Variants in SUGCT observed in about 807,000 individuals in gnomAD.
SUGCT encodes succinyl-CoA:glutarate CoA-transferase.
SUGCT carries 41 observed loss-of-function variants against 55.0 expected under a neutral mutation model. The ratio of observed to expected loss-of-function variants is 0.74; its 90% confidence interval spans 0.58 to 0.97. The LOEUF (loss-of-function observed/expected upper bound fraction) is 0.97. Among genes scored for constraint, SUGCT ranks in the 50% least tolerant of loss-of-function variants. SUGCT has a pLI of 0.00. For missense variants in SUGCT, 568 were observed against 547.8 expected (o/e 1.04, Z -0.37); for synonymous variants, 187 against 200.4 (o/e 0.93, Z 0.56).
In SUGCT at chr7:40,349,551, A is replaced by T. The variant is rs148897664; in HGVS notation, c.816+32696A>T. 2.4e-3 allele frequency among the ~76,000 whole-genome samples: 364 copies of T among 152,310 alleles called. 5 individuals are homozygous for T. Among genetic ancestry groups the T allele is most frequent in the African/African-American group, 8.3e-3 (345 of 41,566 alleles). On this transcript the variant is annotated intron_variant, in intron 9 of 13. Transcript: ENST00000335693. ...GTTTCCTACTTGGTGTTGTCAGTGC[A>T]CAAATTCTGGGGCCCTCTCTAAGAT...
chr7:40,570,850 C>CTT (rs776733346), intron 12 of SUGCT, among the ~76,000 whole-genome samples: 702 of 52,312 alleles, frequency 0.013, 135 homozygotes, highest in Middle Eastern at 0.026. Context: ...GCTTTAGGCT[C>CTT]TTTTTTTTTT....
At chr7:40,173,523 A>G (rs1784778144) in intron 1 of SUGCT, among the ~76,000 whole-genome samples, 1 of 152,192 alleles carries the variant, frequency 6.6e-6, no homozygotes, top group African/African-American at 2.4e-5. Context: ...TCCCGGCTCA[A>G]ATGCCTGGGG....
intron 11 of SUGCT, among the ~76,000 whole-genome samples, chr7:40,493,150 G>A (rs988496148): frequency 1.4e-4 from 21 of 152,162 alleles, no homozygotes; most frequent in African/African-American, 5.1e-4. Context: ...GTGTTAGAAC[G>A]TGGTTTTGGA....
At chr7:40,691,010 G>A (rs1179088455) in intron 12 of SUGCT, among the ~76,000 whole-genome samples, 1 of 152,092 alleles carries the variant, frequency 6.6e-6, no homozygotes, top group Non-Finnish European at 1.5e-5. Context: ...AATATACTTG[G>A]GCCTTTTGCA....
the SUGCT span, among the ~76,000 whole-genome samples, chr7:40,899,656 CT>C: frequency 1.5e-4 from 23 of 148,894 alleles, no homozygotes; most frequent in Admixed American, 2.7e-4. Context: ...CTCTTTCCTA[CT>C]TTTTTTTTTG....
chr7:40,470,505 A>G (rs911675576), intron 11 of SUGCT, among the ~76,000 whole-genome samples: 2 of 152,072 alleles, frequency 1.3e-5, no homozygotes, highest in Non-Finnish European at 2.9e-5. Flanking sequence ...CCTCACCTGG[A>G]CAATCTGCAG....
chr7:40,218,935 C>G (rs184141273), intron 6 of SUGCT, among the ~76,000 whole-genome samples: 2 of 152,188 alleles, frequency 1.3e-5, no homozygotes, highest in Admixed American at 1.3e-4. Flanking sequence ...GGCGGAAATC[C>G]GTTGGGGTCC....
intron 9 of SUGCT, among the ~76,000 whole-genome samples, chr7:40,408,742 A>C (rs1004796286): frequency 2.0e-5 from 3 of 152,198 alleles, no homozygotes; most frequent in Admixed American, 2.0e-4. Flanking sequence ...GGAAAATACC[A>C]AAATGACAGG....
chr7:40,526,786 C>T (rs564458183), intron 12 of SUGCT, among the ~76,000 whole-genome samples: 9 of 152,276 alleles, frequency 5.9e-5, no homozygotes, highest in South Asian at 2.1e-4. Context: ...CTACTTTCTT[C>T]GAATTTTTCC....
the SUGCT span, among the ~76,000 whole-genome samples, chr7:40,963,191 T>C: frequency 6.6e-6 from 1 of 151,276 alleles, no homozygotes; most frequent in African/African-American, 2.4e-5. Flanking sequence ...GAATATTGGT[T>C]TTTTTTTTGT....
chr7:40,829,640 T>C (rs1038126191), intron 13 of SUGCT, among the ~76,000 whole-genome samples: 2 of 152,326 alleles, frequency 1.3e-5, no homozygotes, highest in East Asian at 1.9e-4. Flanking sequence ...TCTTTTGTCA[T>C]GTCACTTTCC....
At chr7:40,363,045 G>T (rs1211140193) in intron 9 of SUGCT, among the ~76,000 whole-genome samples, 1 of 152,148 alleles carries the variant, frequency 6.6e-6, no homozygotes, top group East Asian at 1.9e-4. Flanking sequence ...ACTTGGGAGG[G>T]TGTATGTGTC....
chr7:40,331,156 G>A (rs540524447), intron 9 of SUGCT, among the ~76,000 whole-genome samples: 2 of 152,206 alleles, frequency 1.3e-5, no homozygotes, highest in Admixed American at 6.5e-5. Context: ...GGCCACATGC[G>A]GCTTGGGGGC....
At position 40,485,652 on chromosome 7, in the gene SUGCT, A is replaced by G. The variant is rs6945240; in HGVS notation, c.987-10632A>G. ...GGCTAGCCTCAAACTCCTAAGCTCA[A>G]GGGATCCTCTTGCCTTGGCCTCCCA... On this transcript the variant is annotated intron_variant, in intron 11 of 13. Coordinates refer to ENST00000335693, the MANE Select transcript of SUGCT (RefSeq NM_001193313.2). 2.4e-3 allele frequency among the ~76,000 whole-genome samples: 372 copies of G among 152,064 alleles called. 3 individuals are homozygous for G. The highest frequency in any genetic ancestry group is 8.7e-3 in the African/African-American group (361 of 41,508).
At chr7:40,306,718 ACT>A (rs1794869923) in intron 8 of SUGCT, among the ~76,000 whole-genome samples, 1 of 152,134 alleles carries the variant, frequency 6.6e-6, no homozygotes. Flanking sequence ...AAATAAGCAC[ACT>A]CTGTCATTAA....
intron 8 of SUGCT, among the ~76,000 whole-genome samples, chr7:40,296,875 C>T (rs1794188446): frequency 6.6e-6 from 1 of 152,228 alleles, no homozygotes; most frequent in East Asian, 1.9e-4. Context: ...AGCATGGACT[C>T]TGGAGCCAAA....
the SUGCT span, among the ~76,000 whole-genome samples, chr7:41,005,580 T>C: frequency 6.6e-6 from 1 of 152,288 alleles, no homozygotes; most frequent in East Asian, 1.9e-4. Flanking sequence ...CAATGTCCCA[T>C]TTTGAGGTAG....
intron 12 of SUGCT, among the ~76,000 whole-genome samples, chr7:40,728,373 G>T (rs1584347415): frequency 6.6e-6 from 1 of 152,082 alleles, no homozygotes; most frequent in Non-Finnish European, 1.5e-5. Context: ...ACAAAAATTA[G>T]CCGGGCATAG....
At position 40,188,476 on chromosome 7, in the gene SUGCT, C is replaced by A; in HGVS notation, c.227-19C>A. 2 of 1,369,474 alleles carry A rather than the reference C, an allele frequency of 1.5e-6. No homozygotes were observed. Among genetic ancestry groups the A allele is most frequent in the Non-Finnish European group, 2.0e-6 (2 of 983,174 alleles). 84.8% of individuals were successfully genotyped at this position (1,369,474 alleles called of 1,614,324 possible). A position where few individuals can be genotyped will look rare whatever the true frequency, so the allele number is the denominator to read the frequency against. Reference sequence around the variant, plus strand: ...AAAAACAAACCCCAAAGATTAATAGCTCATGTTATTATTTTCAGGAGCTGG... The same window carrying A: ...AAAAACAAACCCCAAAGATTAATAGATCATGTTATTATTTTCAGGAGCTGG... On this transcript the variant is annotated intron_variant, in intron 3 of 13. Transcript: ENST00000335693.
Sources: gnomAD v4.1 joint callset for allele counts (sites outside exome capture counted in the v4.1 genomes callset) on GRCh38, gnomAD v4.1.1 for gene constraint, MANE v1.5 for transcripts, NCBI Gene and HGNC (gene_info 2026-07-23, HGNC 2026-07-21) for gene names.